The following ADAMTSL3 variants were observed in gnomAD, a reference collection of about 807,000 sequenced individuals.
ADAMTSL3 encodes the protein ADAMTS-like protein 3.
A neutral mutation model predicts 201.7 loss-of-function variants in ADAMTSL3; 128 were observed. That is an observed-to-expected ratio of 0.63 (90% CI 0.55 to 0.73). The LOEUF is 0.73. ADAMTSL3 is among the 30% of genes least tolerant of loss of function. The probability of loss-of-function intolerance (pLI) is 0.00; values close to 1 mark genes in which losing one functional copy is unlikely to be tolerated. For missense variants in ADAMTSL3, 1,990 were observed against 2,119.6 expected, an observed-to-expected ratio of 0.94 and a Z score of 1.20; for synonymous variants, 738 against 748.4, an observed-to-expected ratio of 0.99 and a Z score of 0.23.
intron 19 of ADAMTSL3, among the ~76,000 whole-genome samples, chr15:83,949,234 C>T (rs978990183): frequency 6.6e-6 from 1 of 152,076 alleles, no homozygotes; most frequent in Non-Finnish European, 1.5e-5. Context: ...ATTTTTAGCT[C>T]CCACAAATAA....
chr15:84,014,052 A>G (rs1026057318), intron 23 of ADAMTSL3, among the ~76,000 whole-genome samples: 5 of 152,212 alleles, frequency 3.3e-5, no homozygotes, highest in African/African-American at 1.2e-4. Flanking sequence ...TGGATGTTGT[A>G]TATTCTTCCT....
chr15:83,763,713 G>A (rs1049778315), intron 3 of ADAMTSL3, among the ~76,000 whole-genome samples: 3 of 152,226 alleles, frequency 2.0e-5, no homozygotes, highest in South Asian at 2.1e-4. Context: ...CACCCTGTTA[G>A]CCAGGATGAT....
chr15:83,971,295 C>T (rs184951914), intron 20 of ADAMTSL3, among the ~76,000 whole-genome samples: 22 of 152,188 alleles, frequency 1.4e-4, no homozygotes, highest in Admixed American at 9.8e-4. Flanking sequence ...CAGTGGCTCA[C>T]GCCTGTAATC....
intron 2 of ADAMTSL3, among the ~76,000 whole-genome samples, chr15:83,662,634 A>G (rs1025045275): frequency 6.6e-6 from 1 of 151,396 alleles, no homozygotes; most frequent in African/African-American, 2.4e-5. Context: ...TAAAGTTTTG[A>G]TTCTCAACTT....
At chr15:83,920,105 A>G (rs2066109497) in intron 16 of ADAMTSL3, among the ~76,000 whole-genome samples, 1 of 152,248 alleles carries the variant, frequency 6.6e-6, no homozygotes, top group Admixed American at 6.5e-5. Flanking sequence ...TGATGCATGT[A>G]AATGCACTCT....
In ADAMTSL3 at chr15:83,776,371, T is replaced by G. The variant is rs2063074469; in HGVS notation, c.317+2721T>G. 2.0e-5 allele frequency among the ~76,000 whole-genome samples: 3 copies of G among 152,224 alleles called. No individual in the cohort carries two copies. In the South Asian group the frequency reaches 6.2e-4, roughly 32 times the overall value. ...AACACATATCCTGCCTTCAAGGTTC[T>G]TATATCTAAGGAGACAAACAATAAA... On this transcript the variant is annotated intron_variant, in intron 4 of 29. Coordinates refer to ENST00000286744, the MANE Select transcript of ADAMTSL3 (RefSeq NM_207517.3).
rs545528101 is a variant in ADAMTSL3 at position 83,954,525 on chromosome 15, T to C, written c.2490+11443T>C. Among the ~76,000 whole-genome samples the C allele has an allele frequency of 3.3e-5, 5 of 152,354 alleles. No individual in the cohort carries two copies. The South Asian group carries it at 8.3e-4, about 25-fold the overall frequency. ...CTGTCACTCCAGGATTGGTCCCTGG[T>C]GCCTGATGTAGTTCATTTGGTGAAG... On this transcript the variant is annotated intron_variant, in intron 19 of 29. Transcript: ENST00000286744.
intron 3 of ADAMTSL3, among the ~76,000 whole-genome samples, chr15:83,741,416 G>A (rs190674178): frequency 4.6e-5 from 7 of 151,990 alleles, no homozygotes; most frequent in Non-Finnish European, 8.8e-5. Context: ...ATGAAGGCAC[G>A]TGATGAAATT....
At chr15:83,675,058 C>T (rs943888907) in intron 2 of ADAMTSL3, among the ~76,000 whole-genome samples, 1 of 151,800 alleles carries the variant, frequency 6.6e-6, no homozygotes, top group Non-Finnish European at 1.5e-5. Flanking sequence ...GTTGCTAATA[C>T]ACAGAAATAC....
At chr15:84,001,150 T>C (rs1441765401) in intron 23 of ADAMTSL3, among the ~76,000 whole-genome samples, 1 of 152,200 alleles carries the variant, frequency 6.6e-6, no homozygotes. Flanking sequence ...ACGTTACATG[T>C]ATCTGATTTA....
chr15:83,805,692 A>AAGAGG (rs2063592390), intron 5 of ADAMTSL3, among the ~76,000 whole-genome samples: 1 of 152,212 alleles, frequency 6.6e-6, no homozygotes, highest in Non-Finnish European at 1.5e-5. Context: ...GCCTCTTCAT[A>AAGAGG]CACAAAAAGA....
chr15:83,928,513 G>C (rs1387985414), intron 17 of ADAMTSL3, among the ~76,000 whole-genome samples: 6 of 152,074 alleles, frequency 3.9e-5, no homozygotes, highest in Admixed American at 3.3e-4. Flanking sequence ...AACATGAAAG[G>C]CACTTCAAAT....
At chr15:83,930,527 G>C (rs2066336285) in intron 17 of ADAMTSL3, among the ~76,000 whole-genome samples, 1 of 152,170 alleles carries the variant, frequency 6.6e-6, no homozygotes, top group Admixed American at 6.5e-5. Context: ...CCTGTGTACT[G>C]TATCCCCTTT....
chr15:83,822,769 C>T (rs1369598957), intron 6 of ADAMTSL3, among the ~76,000 whole-genome samples: 2 of 151,710 alleles, frequency 1.3e-5, no homozygotes, highest in Non-Finnish European at 2.9e-5. Context: ...CAGGCAGAGA[C>T]GCTCCTCACT....
chr15:83,902,228 AAC>A (rs2065739399), intron 15 of ADAMTSL3, among the ~76,000 whole-genome samples: 1 of 152,100 alleles, frequency 6.6e-6, no homozygotes, highest in Non-Finnish European at 1.5e-5. Flanking sequence ...ACCCCTACAC[AAC>A]ACAGCCACCA....
intron 20 of ADAMTSL3, among the ~76,000 whole-genome samples, chr15:83,974,875 C>A (rs1033338757): frequency 6.6e-6 from 1 of 152,090 alleles, no homozygotes; most frequent in East Asian, 1.9e-4. Context: ...GGAACCCAGG[C>A]ATGCCCTATT....
intron 6 of ADAMTSL3, among the ~76,000 whole-genome samples, chr15:83,829,440 G>A (rs916326764): frequency 1.3e-5 from 2 of 151,986 alleles, no homozygotes; most frequent in Non-Finnish European, 2.9e-5. Flanking sequence ...AGTCTTGCTA[G>A]CAGTCTATCA....
rs769555571 is a variant in ADAMTSL3, at chr15:83,885,102, C to T, written c.962C>T (p.Thr321Ile). The T allele has an allele frequency of 3.1e-6, 5 of 1,611,328 alleles. No individual in the cohort carries two copies. Among genetic ancestry groups the T allele is most frequent in the South Asian group, 2.2e-5 (2 of 90,932 alleles). Residue 321 changes from threonine to isoleucine, a missense_variant and splice_region_variant, in exon 10 of 30, where the codon ACC (threonine) becomes ATC (isoleucine). Thr to Ile is a moderately conservative substitution (Grantham distance 89, BLOSUM62 -1). Coordinates refer to ENST00000286744, the MANE Select transcript of ADAMTSL3 (RefSeq NM_207517.3). ...GPLMADFIFK[T>I]RYTAAKDSVV... is the part of the protein sequence containing the mutation. ...GTTCTCACAGTTCTCTTTGTCCAGA[C>T]CAGGTACACTGCAGCCAAAGACAGC...
chr15:83,826,348 C>T (rs1434268063), intron 6 of ADAMTSL3, among the ~76,000 whole-genome samples: 1 of 151,764 alleles, frequency 6.6e-6, no homozygotes, highest in Non-Finnish European at 1.5e-5. Flanking sequence ...ATCTCCAAGT[C>T]CTGGCTTCAA....
Sources: gnomAD v4.1 joint callset for allele counts (sites outside exome capture counted in the v4.1 genomes callset) on GRCh38, gnomAD v4.1.1 for gene constraint, MANE v1.5 for transcripts, NCBI Gene and HGNC (gene_info 2026-07-23, HGNC 2026-07-21) for gene names.